Variants in FAM3B observed in about 807,000 individuals in gnomAD.
FAM3B encodes FAM3 metabolism regulating signaling molecule B, also known as protein FAM3B.
In FAM3B, 29 loss-of-function variants were observed where a neutral mutation model predicts 28.4. The ratio of observed to expected loss-of-function variants is 1.02; its 90% CI spans 0.76 to 1.39. The LOEUF (loss-of-function observed/expected upper bound fraction) is 1.39. FAM3B is among the 40% of genes most tolerant of loss of function. FAM3B has a pLI of 0.00. For missense variants in FAM3B, 266 were observed against 293.9 expected (o/e 0.91, Z 0.69); for synonymous variants, 91 against 103.0 (o/e 0.88, Z 0.71).
chr21:41,322,765 G>A lies in FAM3B; in HGVS notation c.20-158G>A, dbSNP rs972807987. 25 of 979,080 alleles carry A rather than the reference G, an allele frequency of 2.6e-5. 1 individual carries two copies. The highest frequency in any genetic ancestry group is 2.2e-4 in the Admixed American group (11 of 50,792). The allele number at this position is 979,080 out of a possible 1,614,324, so 60.6% of individuals were successfully genotyped here. A position where few individuals can be genotyped will look rare whatever the true frequency, so the allele number is the denominator to read the frequency against. On this transcript the variant is annotated intron_variant, in intron 1 of 7. Transcript: ENST00000357985. ...TGTCTACTTCAAAGGTCCTGACACC[G>A]CCTCCCACCCTGGGAGCCTCCTCCC... is the stretch of plus-strand genomic sequence containing the variant.
In FAM3B at chr21:41,310,454, A is replaced by C. The variant is rs112882214; in HGVS notation, n.99+6144A>C. Among the ~76,000 whole-genome samples, 308 of 152,234 alleles carry C rather than the reference A, an allele frequency of 2.0e-3. 3 individuals are homozygous for C. The highest frequency in any genetic ancestry group is 6.8e-3 in the African/African-American group (282 of 41,536). On this transcript the variant is annotated intron_variant and non_coding_transcript_variant, in intron 1 of 9. Transcript: ENST00000479810. Reference sequence around the variant, plus strand: ...TTTGCACTAGAATGTGAGTGGCACAAGTTCCATATCTGTGTCACTTTTGTG... The same window carrying C: ...TTTGCACTAGAATGTGAGTGGCACACGTTCCATATCTGTGTCACTTTTGTG...
intron 1 of FAM3B, among the ~76,000 whole-genome samples, chr21:41,306,113 G>A (rs927631948): frequency 3.9e-5 from 6 of 152,136 alleles, no homozygotes; most frequent in Non-Finnish European, 7.4e-5. Context: ...TCAATCATAA[G>A]AAGCAATTCC....
chr21:41,355,044 A>G (rs1341596052), intron 7 of FAM3B, among the ~76,000 whole-genome samples: 1 of 152,240 alleles, frequency 6.6e-6, no homozygotes, highest in East Asian at 1.9e-4. Context: ...GAAGATATAC[A>G]AATGGTCAAT....
At chr21:41,322,392 A>C (rs559240901) in intron 1 of FAM3B, among the ~76,000 whole-genome samples, 4 of 152,284 alleles carry the variant, frequency 2.6e-5, no homozygotes, top group Admixed American at 2.6e-4. Context: ...TTTTCCCAGT[A>C]TTACGGGGCC....
intron 2 of FAM3B, among the ~76,000 whole-genome samples, chr21:41,332,337 G>T (rs1259375619): frequency 1.3e-5 from 2 of 152,164 alleles, no homozygotes; most frequent in African/African-American, 4.8e-5. Flanking sequence ...CTCAATCTTA[G>T]ATATTTCTTT....
rs1241431176 is a variant in FAM3B at position 41,316,804 on chromosome 21, C to T, written c.-76C>T. The T allele has an allele frequency of 4.3e-6, 6 of 1,391,920 alleles. No individual in the cohort carries two copies. Among genetic ancestry groups the T allele is most frequent in the Non-Finnish European group, 5.6e-6 (6 of 1,070,520 alleles). 86.2% of individuals were successfully genotyped at this position (1,391,920 alleles called of 1,614,324 possible). On this transcript the variant is annotated 5_prime_UTR_variant, in exon 1 of 8. Transcript: ENST00000357985. The stretch of plus-strand genomic sequence containing the variant: ...ACGACCGCTGCCCGCCCCTTGCCTT[C>T]CTGACCCAGGGGCTCCGCTGGCTGC...
intron 2 of FAM3B, among the ~76,000 whole-genome samples, chr21:41,336,835 T>A (rs879914676): frequency 3.9e-5 from 6 of 152,178 alleles, no homozygotes; most frequent in Non-Finnish European, 7.3e-5. Flanking sequence ...ATTACCATCT[T>A]TGTCTTTTTT....
At chr21:41,315,301 T>G (rs1374177924), upstream of FAM3B, among the ~76,000 whole-genome samples, 3 of 152,126 alleles carry the variant, frequency 2.0e-5, no homozygotes, top group African/African-American at 7.2e-5. Context: ...TGGTGAGTTG[T>G]GCAATGAGTA....
At chr21:41,325,021 G>A (rs1366260852) in intron 2 of FAM3B, among the ~76,000 whole-genome samples, 2 of 152,222 alleles carry the variant, frequency 1.3e-5, no homozygotes, top group African/African-American at 4.8e-5. Context: ...AGAATAGCTT[G>A]AACCCAGTAG....
At chr21:41,337,903 T>C (rs1425736743) in intron 2 of FAM3B, among the ~76,000 whole-genome samples, 5 of 151,926 alleles carry the variant, frequency 3.3e-5, no homozygotes, top group Non-Finnish European at 7.4e-5. Context: ...ATGATATGTA[T>C]GGTGTGTATG....
At chr21:41,328,812 G>A (rs1398415853) in intron 2 of FAM3B, among the ~76,000 whole-genome samples, 1 of 152,112 alleles carries the variant, frequency 6.6e-6, no homozygotes, top group Admixed American at 6.5e-5. Context: ...CAGCCTGCAG[G>A]GTTGGTGTGA....
rs775452854 is a variant in FAM3B, at chr21:41,322,853, G to T, written c.20-70G>T. On this transcript the variant is annotated intron_variant, in intron 1 of 7. Transcript: ENST00000357985. ...GGCCGGGATGAAAAGCCACAGGGGG[G>T]ATGGGGAGGGCCAAGGGCCAGGGCC... 3.1e-6 allele frequency: 5 copies of T among 1,612,900 alleles called. 1 individual carries two copies. Among genetic ancestry groups the T allele is most frequent in the Admixed American group, 1.7e-5 (1 of 59,982 alleles).
chr21:41,305,713 T>C (rs962047559), intron 1 of FAM3B, among the ~76,000 whole-genome samples: 1 of 152,264 alleles, frequency 6.6e-6, no homozygotes, highest in Non-Finnish European at 1.5e-5. Flanking sequence ...TAAAATACTT[T>C]ATTGCTAAAA....
chr21:41,311,267 TA>T lies in FAM3B; in HGVS notation n.99+6958del, dbSNP rs2088711979. 4.2e-5 allele frequency among the ~76,000 whole-genome samples: 2 copies of T among 47,422 alleles called. 1 individual carries two copies. Among genetic ancestry groups the T allele is most frequent in the Non-Finnish European group, 7.3e-5 (2 of 27,304 alleles). The allele number at this position is 47,422 out of a possible 152,430, so 31.1% of individuals were successfully genotyped here. ...AAAAAAAAAAATATATATATATATA[TA>T]TATATATATATATATATATATATAT... On this transcript the variant is annotated intron_variant and non_coding_transcript_variant, in intron 1 of 9. Transcript: ENST00000479810.
In FAM3B at chr21:41,351,133, G is replaced by T. The variant is rs142768240; in HGVS notation, c.618+2409G>T. Among the ~76,000 whole-genome samples the T allele has an allele frequency of 3.9e-5, 6 of 152,322 alleles. No homozygotes were observed. The East Asian group carries it at 1.2e-3, about 29-fold the overall frequency. On this transcript the variant is annotated intron_variant, in intron 7 of 7. Transcript: ENST00000357985. The stretch of plus-strand genomic sequence containing the variant: ...CAAATGTTAACATCTCATCAAACAG[G>T]TTCTTCATTAATGTTTAAGTCGTAG...
chr21:41,322,607 G>A, intron 1 of FAM3B: 2 of 717,458 alleles, frequency 2.8e-6, no homozygotes, highest in Non-Finnish European at 2.6e-6. Flanking sequence ...GGGCATGCTG[G>A]CTCACAAGGT....
chr21:41,329,756 G>A (rs1018236862), intron 2 of FAM3B, among the ~76,000 whole-genome samples: 13 of 152,064 alleles, frequency 8.5e-5, no homozygotes, highest in African/African-American at 3.1e-4. Context: ...TTTTAGCAGA[G>A]ACGGTGTTTT....
intron 7 of FAM3B, among the ~76,000 whole-genome samples, chr21:41,354,833 G>A (rs1330395028): frequency 4.8e-5 from 3 of 62,880 alleles, no homozygotes; most frequent in East Asian, 2.8e-4. Flanking sequence ...CGTGTACCCC[G>A]AACTTAAAAG....
At chr21:41,340,299 G>T (rs542750882) in intron 3 of FAM3B, among the ~76,000 whole-genome samples, 2 of 151,902 alleles carry the variant, frequency 1.3e-5, no homozygotes, top group African/African-American at 2.4e-5. Context: ...GGCTACAGGC[G>T]CACACCACCA....
Sources: gnomAD v4.1 joint callset for allele counts (sites outside exome capture counted in the v4.1 genomes callset) on GRCh38, gnomAD v4.1.1 for gene constraint, MANE v1.5 for transcripts, NCBI Gene and HGNC (gene_info 2026-07-23, HGNC 2026-07-21) for gene names.